CTDP1: variants seen among roughly 807,000 people sequenced by gnomAD.
CTDP1 encodes the protein CTD phosphatase 1.
CTDP1 carries 47 observed loss-of-function variants against 91.8 expected under a neutral mutation model. The ratio of observed to expected loss-of-function variants is 0.51; its 90% CI spans 0.41 to 0.65. The LOEUF is 0.65. Among genes scored for constraint, CTDP1 ranks in the 30% least tolerant of loss-of-function variants. CTDP1 has a pLI of 0.00. For synonymous variants in CTDP1, 656 were observed against 598.5 expected (o/e 1.10, Z -1.40); for missense variants, 1,272 against 1,373.7 (o/e 0.93, Z 1.17).
At chr18:79,677,714 C>G (rs112918671), upstream of CTDP1, 6 of 151,326 alleles carry the variant, frequency 4.0e-5, no homozygotes, top group Non-Finnish European at 7.4e-5. Flanking sequence ...GCTGAGTAGT[C>G]TGTCCTTACA....
At chr18:79,721,244 C>T (rs1348138617) in intron 10 of CTDP1, among the ~76,000 whole-genome samples, 3 of 152,174 alleles carry the variant, frequency 2.0e-5, no homozygotes, top group African/African-American at 7.2e-5. Flanking sequence ...TGCTTTGGTG[C>T]TACTCTTACT....
intron 5 of CTDP1, among the ~76,000 whole-genome samples, chr18:79,708,939 T>C (rs1308435889): frequency 6.6e-6 from 1 of 152,272 alleles, no homozygotes; most frequent in Non-Finnish European, 1.5e-5. Flanking sequence ...CAGTAAATGT[T>C]AAATGATCGA....
At chr18:79,704,204 C>T (rs1050670306) in intron 4 of CTDP1, among the ~76,000 whole-genome samples, 2 of 152,216 alleles carry the variant, frequency 1.3e-5, no homozygotes, top group Admixed American at 6.5e-5. Context: ...TTAAATGCCA[C>T]GGGTAGCCCC....
chr18:79,695,239 G>A lies in CTDP1; in HGVS notation c.329G>A (p.Arg110Lys), dbSNP rs1183291748. Residue 110 changes from arginine to lysine, a missense_variant, in exon 2 of 13, where the codon AGG (arginine) becomes AAG (lysine). By Grantham distance (26) the Arg-to-Lys change is conservative (BLOSUM62 2). Around this residue, in one of 3 missense-constraint regions of CTDP1, gnomAD observed 214 missense variants for 179.1 expected, o/e 1.19. Coordinates refer to ENST00000613122, the MANE Select transcript of CTDP1 (RefSeq NM_004715.5). Reference protein sequence around the residue: ...QVVAPGAVLVRLEGCSHPVVM... With the variant: ...QVVAPGAVLVKLEGCSHPVVM... ...TTTTTTTGTAGAGCGGTTCTGGTGA[G>A]GTTGGAAGGATGCAGCCACCCGGTT... 6.2e-7 allele frequency: 1 copy of A among 1,614,190 alleles called. No homozygotes were observed. Among genetic ancestry groups the A allele is most frequent in the Admixed American group, 1.7e-5 (1 of 60,016 alleles).
chr18:79,746,373 T>TTCTGACCCTGCGTCCCTCCCGTGCGCGA (rs2086882968), intron 12 of CTDP1, among the ~76,000 whole-genome samples: 1 of 151,912 alleles, frequency 6.6e-6, no homozygotes, highest in Non-Finnish European at 1.5e-5. Context: ...CCCATGCGCG[T>TTCTGACCCTGCGTCCCTCCCGTGCGCGA]TCTGTCCGTG....
chr18:79,736,274 T>G, intron 11 of CTDP1, 81 bp from the exon 12 acceptor site: 1 of 1,533,548 alleles, frequency 6.5e-7, no homozygotes, highest in Non-Finnish European at 8.8e-7. Flanking sequence ...CTCAGAGCCC[T>G]GGACTCTGCC....
At chr18:79,734,862 A>G (rs1399647048) in intron 11 of CTDP1, among the ~76,000 whole-genome samples, 1 of 152,208 alleles carries the variant, frequency 6.6e-6, no homozygotes, top group African/African-American at 2.4e-5. Flanking sequence ...CTCTTATTAA[A>G]TACCATTCCA....
intron 3 of CTDP1, among the ~76,000 whole-genome samples, chr18:79,696,319 C>T (rs184342362): frequency 7.9e-5 from 12 of 152,286 alleles, no homozygotes; most frequent in African/African-American, 2.4e-4. Flanking sequence ...ACCTGCGTGT[C>T]GGGAACACCA....
rs1222535425 is a variant in CTDP1 at position 79,705,046 on chromosome 18, C to T, written c.772+129C>T. 2.5e-5 allele frequency: 36 copies of T among 1,422,808 alleles called. No individual in the cohort carries two copies. The African/African-American group carries it at 2.7e-4, about 11-fold the overall frequency. The allele number at this position is 1,422,808 out of a possible 1,614,324, so 88.1% of individuals were successfully genotyped here. A position where few individuals can be genotyped will look rare whatever the true frequency, so the allele number is the denominator to read the frequency against. On this transcript the variant is annotated intron_variant, in intron 5 of 12. Transcript: ENST00000613122. ...ACTCAGTTGTAGTCTTAGGGTTGGC[C>T]GTTGTGCAGGGGGTTGTGAGAGGTA... is the stretch of plus-strand genomic sequence containing the variant.
chr18:79,733,657 C>T (rs1011281401), intron 11 of CTDP1, among the ~76,000 whole-genome samples: 9 of 152,202 alleles, frequency 5.9e-5, no homozygotes, highest in Non-Finnish European at 8.8e-5. Flanking sequence ...TGCGTTACCT[C>T]GTTTCAGCCT....
intron 12 of CTDP1, among the ~76,000 whole-genome samples, chr18:79,736,726 C>A (rs189334005): frequency 1.4e-5 from 2 of 142,354 alleles, no homozygotes. Context: ...TGTGTGCAGG[C>A]GTGTGAGGTG....
intron 1 of CTDP1, among the ~76,000 whole-genome samples, chr18:79,693,726 C>G (rs1268648949): frequency 1.3e-5 from 2 of 152,182 alleles, no homozygotes; most frequent in Non-Finnish European, 2.9e-5. Context: ...AGCACCGTTC[C>G]TCCTCCAGGG....
In CTDP1 at chr18:79,736,388, A is replaced by G. The variant is rs895010297; in HGVS notation, c.2614A>G (p.Ser872Gly). The G allele has an allele frequency of 6.5e-7, 1 of 1,548,836 alleles. No homozygotes were observed. The highest frequency in any genetic ancestry group is 8.7e-7 in the Non-Finnish European group (1 of 1,146,474). ...CATCCTTGGAGAAGGCAGCGACGAC[A>G]GCGACAGCGAGAAGAGGAGGCCTGA... is the stretch of plus-strand genomic sequence containing the variant. ...DDILGEGSDD[S>G]DSEKRRPEEQ... Residue 872 changes from serine (S) to glycine (G), a missense_variant, in exon 12 of 13, where the codon AGC becomes GGC. Coordinates refer to ENST00000613122, the MANE Select transcript of CTDP1 (RefSeq NM_004715.5).
chr18:79,715,497 C>A lies in CTDP1; in HGVS notation c.2037C>A (p.Asp679Glu), dbSNP rs1446570715. Residue 679 changes from aspartate (D) to glutamate (E), a missense_variant, in exon 8 of 13, where the codon GAC becomes GAA. By Grantham distance (45) the Asp-to-Glu change is conservative. Transcript: ENST00000613122. Reference protein sequence around the residue: ...TRLVLSPDAPDRATHLIAARA... With the variant: ...TRLVLSPDAPERATHLIAARA... ...TGGTGCTGAGCCCCGACGCCCCTGA[C>A]AGGGCCACGCACCTGATCGCCGCGC... 3 of 1,571,080 alleles carry A rather than the reference C, an allele frequency of 1.9e-6. No homozygotes were observed. Among genetic ancestry groups the A allele is most frequent in the Non-Finnish European group, 2.6e-6 (3 of 1,160,704 alleles).
At chr18:79,709,654 G>C (rs1294102195) in intron 5 of CTDP1, among the ~76,000 whole-genome samples, 2 of 152,228 alleles carry the variant, frequency 1.3e-5, no homozygotes, top group Non-Finnish European at 2.9e-5. Flanking sequence ...AGCACCTTCT[G>C]CACTAGCTGG....
chr18:79,742,201 AGAGAG>A (rs1458541910), intron 12 of CTDP1, among the ~76,000 whole-genome samples: 37 of 145,252 alleles, frequency 2.5e-4, no homozygotes, highest in African/African-American at 9.4e-4. Flanking sequence ...AGAGAGAGAG[AGAGAG>A]AGGCCTGGCA....
At chr18:79,682,543 A>ATT (rs2085396907) in intron 1 of CTDP1, among the ~76,000 whole-genome samples, 1 of 152,168 alleles carries the variant, frequency 6.6e-6, no homozygotes, top group African/African-American at 2.4e-5. Context: ...CCCTCGAACA[A>ATT]CTTGCTTTGG....
At chr18:79,749,602 A>G (rs1230580418) in intron 12 of CTDP1, among the ~76,000 whole-genome samples, 1 of 151,594 alleles carries the variant, frequency 6.6e-6, no homozygotes, top group Non-Finnish European at 1.5e-5. Context: ...CACAGTCATG[A>G]CTGCCCCCTC....
intron 5 of CTDP1, among the ~76,000 whole-genome samples, chr18:79,706,246 C>T (rs1172367334): frequency 5.3e-5 from 8 of 152,196 alleles, no homozygotes; most frequent in South Asian, 2.1e-4. Context: ...GAGGAAGGGA[C>T]GTGTGTTCCT....
Sources: gnomAD v4.1 joint callset for allele counts (sites outside exome capture counted in the v4.1 genomes callset) on GRCh38, gnomAD v4.1.1 for gene constraint, gnomAD v4.1.1 regional missense constraint, MANE v1.5 for transcripts, NCBI Gene and HGNC (gene_info 2026-07-23, HGNC 2026-07-21) for gene names.